The following IFNLR1 variants were observed in gnomAD, a reference collection of about 807,000 sequenced individuals.
The protein encoded by IFNLR1 is CRF2-12.
In IFNLR1, 28 loss-of-function variants were observed where a neutral mutation model predicts 52.5. The ratio of observed to expected loss-of-function variants is 0.53; its 90% confidence interval spans 0.40 to 0.73. IFNLR1 has a LOEUF of 0.73. Among genes scored for constraint, IFNLR1 ranks in the 30% least tolerant of loss-of-function variants. The pLI, the probability that IFNLR1 is intolerant of heterozygous loss-of-function variation, is 0.00. For missense variants in IFNLR1, 623 were observed against 659.1 expected, an observed-to-expected ratio of 0.95 and a Z score of 0.60; for synonymous variants, 276 against 274.9, an observed-to-expected ratio of 1.00 and a Z score of -0.04.
chr1:24,179,352 C>T lies in IFNLR1; in HGVS notation c.182+1379G>A, dbSNP rs1644665645. 2.6e-5 allele frequency among the ~76,000 whole-genome samples: 4 copies of T among 152,234 alleles called. No individual in the cohort carries two copies. The South Asian group carries it at 6.2e-4, about 24-fold the overall frequency. On this transcript the variant is annotated intron_variant, in intron 2 of 6. Coordinates refer to ENST00000327535, the MANE Select transcript of IFNLR1 (RefSeq NM_170743.4). ...CATGCACCCTTGGTGCTTCAGTCTC[C>T]TCCTCTGTAAAGAGGCGTACTGAAC...
chr1:24,159,028 T>C (rs10751769), intron 6 of IFNLR1, 24 bp downstream of exon 6: 1,607,342 of 1,609,432 alleles, frequency 1, 802,633 homozygotes, highest in East Asian at 1. Flanking sequence ...CCCCACCTGC[T>C]GCACACCCCC....
intron 1 of IFNLR1, among the ~76,000 whole-genome samples, chr1:24,185,294 G>T (rs886855310): frequency 1.3e-5 from 2 of 152,076 alleles, no homozygotes; most frequent in African/African-American, 4.8e-5. Flanking sequence ...GTTCTCATGG[G>T]GTCTATTGAG....
intron 2 of IFNLR1, among the ~76,000 whole-genome samples, chr1:24,179,096 T>G (rs1218642098): frequency 2.0e-5 from 3 of 151,534 alleles, no homozygotes; most frequent in Non-Finnish European, 2.9e-5. Context: ...CACATGCTAC[T>G]ACACTTCACT....
chr1:24,179,995 C>T (rs758583280), intron 2 of IFNLR1, among the ~76,000 whole-genome samples: 7 of 152,176 alleles, frequency 4.6e-5, no homozygotes, highest in East Asian at 3.9e-4. Context: ...ATGATCCCAT[C>T]GGGAAAAGTG....
intron 3 of IFNLR1, 119 bp downstream of exon 3, chr1:24,169,298 G>GC (rs1411798834): frequency 5.8e-5 from 54 of 926,660 alleles, no homozygotes; most frequent in Non-Finnish European, 8.3e-5. Context: ...CCAGGGAGCT[G>GC]CCCTCTGCTT....
At chr1:24,175,316 G>A (rs1007554457) in intron 2 of IFNLR1, among the ~76,000 whole-genome samples, 1 of 152,206 alleles carries the variant, frequency 6.6e-6, no homozygotes, top group African/African-American at 2.4e-5. Context: ...TAGGGCTGCC[G>A]CCCCAGTGGG....
chr1:24,156,879 C>G lies in IFNLR1; in HGVS notation c.*251G>C. ...GGACAATGGGGGTGATGACACCCCA[C>G]CAACCTCTGACCTCAGCCCACCCTG... On this transcript the variant is annotated 3_prime_UTR_variant, in exon 7 of 7. Coordinates refer to ENST00000327535, the MANE Select transcript of IFNLR1 (RefSeq NM_170743.4). The G allele has an allele frequency of 1.9e-6, 1 of 536,130 alleles. No homozygotes were observed. The highest frequency in any genetic ancestry group is 2.6e-5 in the South Asian group (1 of 38,942). 33.2% of individuals were successfully genotyped at this position (536,130 alleles called of 1,614,324 possible). A position where few individuals can be genotyped will look rare whatever the true frequency, so the allele number is the denominator to read the frequency against.
Position 24,168,426 on chromosome 1 carries a change from GGCCCTGCCCGA to G in IFNLR1, c.367+980_367+990del, listed in dbSNP as rs143832777. On this transcript the variant is annotated intron_variant, in intron 3 of 6. Coordinates refer to ENST00000327535, the MANE Select transcript of IFNLR1 (RefSeq NM_170743.4). ...GGCATTTATCCTCCCTTTGTTACCC[GGCCCTGCCCGA>G]GGTCAGAAAGATCCAGTTCACATCT... 7.6e-3 allele frequency among the ~76,000 whole-genome samples: 1,156 copies of G among 151,674 alleles called. 15 individuals are homozygous for G. Among genetic ancestry groups the G allele is most frequent in the African/African-American group, 0.025 (1,040 of 41,440 alleles).
At position 24,157,647 on chromosome 1, in the gene IFNLR1, A is replaced by C; in HGVS notation, c.1046T>G (p.Phe349Cys). The change falls in exon 7 of 7, where the codon TTC (phenylalanine) becomes TGC (cysteine). Residue 349 changes from phenylalanine (F) to cysteine (C), a missense_variant. Transcript: ENST00000327535. This position sits in a 1 kb window ranked among gnomAD's most constrained non-coding sequence, Gnocchi z 5.1. Reference sequence around the variant, plus strand: ...TGGAGCCTGGTGCTCTTGCCCCAGGAAAGAAGGTGGTTCAATGTAGGGCTG... The same window carrying C: ...TGGAGCCTGGTGCTCTTGCCCCAGGCAAGAAGGTGGTTCAATGTAGGGCTG... Reference protein sequence around the residue: ...SFQPYIEPPSFLGQEHQAPGH... With the variant: ...SFQPYIEPPSCLGQEHQAPGH... The C allele has an allele frequency of 6.2e-7, 1 of 1,608,746 alleles. No individual in the cohort carries two copies. The highest frequency in any genetic ancestry group is 1.1e-5 in the South Asian group (1 of 90,106).
At chr1:24,183,642 A>T (rs1644711906) in intron 1 of IFNLR1, among the ~76,000 whole-genome samples, 1 of 152,356 alleles carries the variant, frequency 6.6e-6, no homozygotes, top group East Asian at 1.9e-4. Context: ...AGCAGGAAGG[A>T]TTAAAAATGA....
intron 2 of IFNLR1, 145 bp from the exon 3 acceptor site, chr1:24,169,746 A>G: frequency 1.2e-6 from 1 of 809,556 alleles, no homozygotes; most frequent in South Asian, 1.8e-5. Context: ...TGGCTGAGAC[A>G]GGATAAGAAC....
intron 3 of IFNLR1, among the ~76,000 whole-genome samples, chr1:24,165,063 A>G (rs1157000033): frequency 2.0e-5 from 3 of 152,226 alleles, no homozygotes; most frequent in Admixed American, 6.5e-5. Flanking sequence ...GTGCCCAGCT[A>G]CAATCTCTTA....
intron 3 of IFNLR1, among the ~76,000 whole-genome samples, chr1:24,164,520 C>G (rs1020534189): frequency 1.3e-5 from 2 of 152,212 alleles, no homozygotes; most frequent in Admixed American, 1.3e-4. Context: ...GCCAGGTCCA[C>G]AGATCCTTTT....
At chr1:24,159,393 G>T in intron 5 of IFNLR1, 81 bp downstream of exon 5, 2 of 1,384,206 alleles carry the variant, frequency 1.4e-6, no homozygotes, top group African/African-American at 1.4e-5. Flanking sequence ...CTATCTCTAG[G>T]CTCATGTTCT....
At chr1:24,175,935 A>C (rs748533098) in intron 2 of IFNLR1, among the ~76,000 whole-genome samples, 13,241 of 136,344 alleles carry the variant, frequency 0.097, 1,603 homozygotes, top group African/African-American at 0.3. Context: ...ACTCTGTTTC[A>C]AAAAAAAAAA....
intron 2 of IFNLR1, among the ~76,000 whole-genome samples, chr1:24,175,018 G>A (rs965995789): frequency 6.6e-6 from 1 of 152,212 alleles, no homozygotes; most frequent in Non-Finnish European, 1.5e-5. Flanking sequence ...TACCAGCAGA[G>A]GCACTTCCAG....
chr1:24,157,840 C>T lies in IFNLR1; in HGVS notation c.853G>A (p.Glu285Lys), dbSNP rs1644399867. 1 of 1,612,234 alleles carries T rather than the reference C, an allele frequency of 6.2e-7. No individual in the cohort carries two copies. ...CAGAGGAACAAGTCATTCACGGACT[C>T]TGGTCTGCTGGGCTGAAAGGTTGCC... ...PVATFQPSRP[E>K]SVNDLFLCPQ... The change falls in exon 7 of 7, where the codon GAG (glutamate) becomes AAG (lysine). Residue 285 changes from glutamate (E) to lysine (K), a missense_variant. Transcript: ENST00000327535. The surrounding 1 kb of genome is among the most constrained non-coding windows in gnomAD (Gnocchi z 5.1).
intron 5 of IFNLR1, 55 bp from the exon 6 acceptor site, chr1:24,159,237 G>A: frequency 6.3e-7 from 1 of 1,597,800 alleles, no homozygotes; most frequent in Non-Finnish European, 8.6e-7. Context: ...GTCTACAACT[G>A]CACCTGTGCC....
rs1325856247 is a variant in IFNLR1 at position 24,157,659 on chromosome 1, T to G, written c.1034A>C (p.Glu345Ala). The change falls in exon 7 of 7, where the codon GAA becomes GCA. Residue 345 changes from glutamate to alanine, a missense_variant. Glu to Ala is a moderately radical substitution (Grantham distance 107). Coordinates refer to ENST00000327535, the MANE Select transcript of IFNLR1 (RefSeq NM_170743.4). The surrounding 1 kb of genome is among the most constrained non-coding windows in gnomAD (Gnocchi z 5.1). ...EDGVSFQPYI[E>A]PPSFLGQEHQ... ...CTCTTGCCCCAGGAAAGAAGGTGGT[T>G]CAATGTAGGGCTGGAAGCTGACGCC... 3 of 1,610,568 alleles carry G rather than the reference T, an allele frequency of 1.9e-6. No individual in the cohort carries two copies. In the African/African-American group the frequency reaches 4.0e-5, roughly 22 times the overall value.
Sources: gnomAD v4.1 joint callset for allele counts (sites outside exome capture counted in the v4.1 genomes callset) on GRCh38, gnomAD v4.1.1 for gene constraint, Gnocchi (gnomAD v3.1) non-coding constraint, MANE v1.5 for transcripts, NCBI Gene and HGNC (gene_info 2026-07-23, HGNC 2026-07-21) for gene names.